SLIT2: variants seen among roughly 807,000 people sequenced by gnomAD.
SLIT2 encodes slit homolog 2 protein.
A neutral mutation model predicts 185.7 loss-of-function variants in SLIT2; 41 were observed. The ratio of observed to expected loss-of-function variants is 0.22; its 90% CI spans 0.17 to 0.29. The LOEUF (loss-of-function observed/expected upper bound fraction) is 0.29. Among genes scored for constraint, SLIT2 ranks in the 10% least tolerant of loss-of-function variants. The pLI, the probability that SLIT2 is intolerant of heterozygous loss-of-function variation, is 1.00. For missense variants in SLIT2, 1,571 were observed against 1,909.0 expected (o/e 0.82, Z 3.30); for synonymous variants, 693 against 680.2 (o/e 1.02, Z -0.29).
chr4:20,536,558 C>CAAAAAAAAAAA (rs35710842), intron 18 of SLIT2, among the ~76,000 whole-genome samples: 4 of 75,832 alleles, frequency 5.3e-5, no homozygotes, highest in African/African-American at 1.0e-4. Flanking sequence ...AACTCTGTCG[C>CAAAAAAAAAAA]AAAAAAAAAA....
intron 4 of SLIT2, among the ~76,000 whole-genome samples, chr4:20,366,111 A>G (rs1723096149): frequency 6.6e-6 from 1 of 152,064 alleles, no homozygotes; most frequent in African/African-American, 2.4e-5. Flanking sequence ...GCTCAGTGTT[A>G]ACTCCTGTGC....
intron 4 of SLIT2, among the ~76,000 whole-genome samples, chr4:20,336,342 T>G (rs1377868096): frequency 6.6e-6 from 1 of 152,196 alleles, no homozygotes; most frequent in East Asian, 1.9e-4. Flanking sequence ...CATGGAATAC[T>G]TTGTAGCCAT....
chr4:20,413,426 C>T (rs576957363), intron 4 of SLIT2, among the ~76,000 whole-genome samples: 3 of 151,906 alleles, frequency 2.0e-5, no homozygotes, highest in Non-Finnish European at 2.9e-5. Flanking sequence ...ATTGCTGTTG[C>T]GTAAAGTATT....
Position 20,617,183 on chromosome 4 carries a change from C to T in SLIT2, c.4121C>T (p.Pro1374Leu). Residue 1374 changes from proline (P) to leucine (L), a missense_variant, in exon 35 of 37, where the codon CCT (proline) becomes CTT (leucine). By Grantham distance (98) the Pro-to-Leu change is moderately conservative (BLOSUM62 -3). This residue lies in a region of SLIT2 where 223 missense variants were observed against 245.2 expected (regional missense o/e 0.91). Transcript: ENST00000504154. ...CTCTGTGACCAACGGACCAATGACC[C>T]TTGCCTTGGAAATAAGTAAGTTCCT... ...GPLCDQRTND[P>L]CLGNKCVHGT... 6.3e-7 allele frequency: 1 copy of T among 1,581,810 alleles called. No individual in the cohort carries two copies. Among genetic ancestry groups the T allele is most frequent in the Non-Finnish European group, 8.6e-7 (1 of 1,159,516 alleles).
At chr4:20,313,800 C>T (rs75591374) in intron 4 of SLIT2, among the ~76,000 whole-genome samples, 142 of 152,214 alleles carry the variant, frequency 9.3e-4, no homozygotes, top group African/African-American at 3.2e-3. Flanking sequence ...CGATCTTACG[C>T]GGCTGCTGAT....
At chr4:20,421,648 A>G (rs934259736) in intron 4 of SLIT2, among the ~76,000 whole-genome samples, 7 of 152,154 alleles carry the variant, frequency 4.6e-5, no homozygotes, top group Admixed American at 6.5e-5. Context: ...CCAGCCCCCA[A>G]AAGATTAAGA....
At chr4:20,427,468 G>A (rs17537654) in intron 4 of SLIT2, among the ~76,000 whole-genome samples, 32,290 of 152,064 alleles carry the variant, frequency 0.21, 3,719 homozygotes, top group Non-Finnish European at 0.27. Context: ...TGTCATTATG[G>A]ATTCTAAAAG....
At chr4:20,377,862 A>G (rs1724165405) in intron 4 of SLIT2, among the ~76,000 whole-genome samples, 1 of 152,276 alleles carries the variant, frequency 6.6e-6, no homozygotes, top group South Asian at 2.1e-4. Flanking sequence ...GAGTAGCAAA[A>G]GTTGTGCCTA....
At chr4:20,490,860 A>G in intron 8 of SLIT2, 1 of 1,442,854 alleles carries the variant, frequency 6.9e-7, no homozygotes, top group South Asian at 1.2e-5. Flanking sequence ...TTTGTAGTTT[A>G]AGAGCTTGTT....
At chr4:20,440,625 T>A (rs1356122411) in intron 4 of SLIT2, among the ~76,000 whole-genome samples, 1 of 152,232 alleles carries the variant, frequency 6.6e-6, no homozygotes, top group Middle Eastern at 3.2e-3. Context: ...CTCATCTGTT[T>A]AATGACATTG....
chr4:20,577,257 G>T (rs1263563798), intron 29 of SLIT2, among the ~76,000 whole-genome samples: 1 of 152,058 alleles, frequency 6.6e-6, no homozygotes, highest in Non-Finnish European at 1.5e-5. Context: ...TCTGAATATG[G>T]ACACCGACCA....
intron 4 of SLIT2, among the ~76,000 whole-genome samples, chr4:20,425,388 T>G (rs182120835): frequency 6.6e-6 from 1 of 152,164 alleles, no homozygotes; most frequent in African/African-American, 2.4e-5. Context: ...AATAAACAAA[T>G]AAAACCATTG....
intron 4 of SLIT2, among the ~76,000 whole-genome samples, chr4:20,395,397 A>G (rs1031611367): frequency 5.3e-5 from 8 of 152,028 alleles, no homozygotes; most frequent in Non-Finnish European, 2.9e-5. Context: ...GTTCAAATGC[A>G]TAGGCAGGAA....
intron 21 of SLIT2, among the ~76,000 whole-genome samples, chr4:20,545,186 A>C (rs1723142308): frequency 6.6e-6 from 1 of 152,056 alleles, no homozygotes; most frequent in South Asian, 2.1e-4. Flanking sequence ...CCACATGTTT[A>C]ATGTCCCAGA....
chr4:20,457,515 A>T (rs573089309), intron 4 of SLIT2, among the ~76,000 whole-genome samples: 18 of 152,156 alleles, frequency 1.2e-4, no homozygotes, highest in African/African-American at 3.9e-4. Context: ...TATATATATA[A>T]ATTTAAACTC....
chr4:20,494,410 G>T (rs946097657), intron 9 of SLIT2, among the ~76,000 whole-genome samples: 3 of 152,132 alleles, frequency 2.0e-5, no homozygotes, highest in African/African-American at 4.8e-5. Context: ...TGAGAAGCGG[G>T]ACCAAAACTG....
intron 9 of SLIT2, among the ~76,000 whole-genome samples, chr4:20,502,309 G>A (rs1391218705): frequency 3.3e-5 from 5 of 152,160 alleles, no homozygotes; most frequent in African/African-American, 1.2e-4. Flanking sequence ...AAAGTCCAAG[G>A]AATCTAGTGA....
At chr4:20,334,828 G>A (rs979497726) in intron 4 of SLIT2, among the ~76,000 whole-genome samples, 31 of 152,092 alleles carry the variant, frequency 2.0e-4, no homozygotes, top group African/African-American at 6.5e-4. Context: ...GTTTCCTCAT[G>A]TGTAAAATTA....
chr4:20,593,591 A>G (rs1463782816), intron 30 of SLIT2, among the ~76,000 whole-genome samples: 2 of 152,126 alleles, frequency 1.3e-5, no homozygotes, highest in African/African-American at 4.8e-5. Context: ...TGTATTATAT[A>G]CTTGAAATTT....
Sources: gnomAD v4.1 joint callset for allele counts (sites outside exome capture counted in the v4.1 genomes callset) on GRCh38, gnomAD v4.1.1 for gene constraint, gnomAD v4.1.1 regional missense constraint, MANE v1.5 for transcripts, NCBI Gene and HGNC (gene_info 2026-07-23, HGNC 2026-07-21) for gene names.